The following VPS13B variants were observed in gnomAD, a reference collection of about 807,000 sequenced individuals.
VPS13B encodes vacuolar protein sorting 13 homolog B, also known as intermembrane lipid transfer protein VPS13B.
VPS13B carries 285 observed loss-of-function variants against 426.4 expected under a neutral mutation model. The observed-to-expected ratio is 0.67, with a 90% confidence interval of 0.61 to 0.74. VPS13B has a LOEUF of 0.74. Among genes scored for constraint, VPS13B ranks in the 30% least tolerant of loss-of-function variants. The pLI is 0.00. For synonymous variants in VPS13B, 1,676 were observed against 1,676.4 expected, an observed-to-expected ratio of 1.00 and a Z score of 0.01; for missense variants, 4,537 against 4,782.6, an observed-to-expected ratio of 0.95 and a Z score of 1.51.
chr8:99,610,679 A>T (rs1284699971), intron 33 of VPS13B, among the ~76,000 whole-genome samples: 1 of 152,170 alleles, frequency 6.6e-6, no homozygotes, highest in Non-Finnish European at 1.5e-5. Context: ...TGTCACATGT[A>T]TACCTATATA....
chr8:99,492,871 C>T (rs1820689296), intron 25 of VPS13B, among the ~76,000 whole-genome samples: 1 of 152,196 alleles, frequency 6.6e-6, no homozygotes, highest in African/African-American at 2.4e-5. Flanking sequence ...CCATGGGCTG[C>T]ACCCACTCTC....
intron 17 of VPS13B, among the ~76,000 whole-genome samples, chr8:99,238,123 G>A (rs1816736726): frequency 6.6e-6 from 1 of 151,858 alleles, no homozygotes; most frequent in African/African-American, 2.4e-5. Flanking sequence ...CTTTATCCTT[G>A]AGTATACTAT....
At chr8:99,281,287 G>A (rs1819155849) in intron 19 of VPS13B, among the ~76,000 whole-genome samples, 1 of 152,192 alleles carries the variant, frequency 6.6e-6, no homozygotes, top group African/African-American at 2.4e-5. Context: ...GTTCCTAACA[G>A]GCCACGGACT....
chr8:99,665,768 G>A (rs1830461314), intron 35 of VPS13B, among the ~76,000 whole-genome samples: 1 of 152,230 alleles, frequency 6.6e-6, no homozygotes, highest in Admixed American at 6.5e-5. Context: ...CTCCAGCTTC[G>A]TTCTTTTGGC....
Position 99,632,529 on chromosome 8 carries a change from A to C in VPS13B, c.5221-9282A>C, listed in dbSNP as rs571772820. 3.3e-5 allele frequency among the ~76,000 whole-genome samples: 5 copies of C among 152,052 alleles called. No homozygotes were observed. In the South Asian group the frequency reaches 1.0e-3, roughly 32 times the overall value. On this transcript the variant is annotated intron_variant, in intron 33 of 61. Transcript: ENST00000357162. ...AGATATTGTTAGGAATTTTTACCTG[A>C]TTTAGAGAATACTTTGAATTTCCAA...
At chr8:99,556,709 T>A (rs919522463) in intron 31 of VPS13B, 56 bp downstream of exon 31, 1 of 1,573,976 alleles carries the variant, frequency 6.4e-7, no homozygotes, top group Non-Finnish European at 8.7e-7. Context: ...GCCAGAATAG[T>A]TGGTGATACA....
At chr8:99,173,735 A>G (rs1371539787) in intron 16 of VPS13B, among the ~76,000 whole-genome samples, 1 of 152,116 alleles carries the variant, frequency 6.6e-6, no homozygotes, top group Non-Finnish European at 1.5e-5. Context: ...GAATGTTTTG[A>G]ACAAAAAAGA....
chr8:99,267,504 A>G (rs1193529593), intron 17 of VPS13B, among the ~76,000 whole-genome samples: 6 of 152,074 alleles, frequency 3.9e-5, no homozygotes, highest in Non-Finnish European at 7.4e-5. Flanking sequence ...CTGAGGTGGG[A>G]AGATCAAAAG....
At position 99,575,660 on chromosome 8, in the gene VPS13B, T is replaced by C. The variant is rs762227941; in HGVS notation, c.4952T>C (p.Ile1651Thr). The stretch of plus-strand genomic sequence containing the variant: ...TAATCTTTTACTCTATCTTTTAGCA[T>C]ACGGCGGCATCAAGAAAGGAGAGCA... ...PALEWNMASSIRRHQERRAIL... is the reference protein window; with the variant it reads ...PALEWNMASSTRRHQERRAIL... Residue 1651 changes from isoleucine to threonine, a missense_variant and splice_region_variant, in exon 32 of 62, where the codon ATA becomes ACA. Physicochemically the swap from Ile to Thr is moderately conservative, Grantham distance 89. This residue lies in a region of VPS13B where 4,311 missense variants were observed against 4,474.3 expected (regional missense o/e 0.96). Transcript: ENST00000357162. The C allele has an allele frequency of 1.2e-5, 19 of 1,613,826 alleles. No homozygotes were observed. The highest frequency in any genetic ancestry group is 1.7e-5 in the Admixed American group (1 of 59,950).
At chr8:99,394,392 C>T (rs1027426294) in intron 21 of VPS13B, among the ~76,000 whole-genome samples, 1 of 152,112 alleles carries the variant, frequency 6.6e-6, no homozygotes, top group Non-Finnish European at 1.5e-5. Context: ...TTTCCTCTTC[C>T]AAACTCAGCC....
chr8:99,468,469 A>T (rs1819229821), intron 24 of VPS13B, among the ~76,000 whole-genome samples: 1 of 151,790 alleles, frequency 6.6e-6, no homozygotes, highest in African/African-American at 2.4e-5. Flanking sequence ...TATTAAAAAA[A>T]ATTTAAATAT....
At chr8:99,344,036 AT>A (rs1290564108) in intron 19 of VPS13B, among the ~76,000 whole-genome samples, 1 of 152,228 alleles carries the variant, frequency 6.6e-6, no homozygotes, top group Non-Finnish European at 1.5e-5. Context: ...CAAAATGACG[AT>A]ATCCAACTCT....
intron 15 of VPS13B, among the ~76,000 whole-genome samples, chr8:99,159,848 G>C (rs1043542942): frequency 6.6e-6 from 1 of 152,036 alleles, no homozygotes; most frequent in East Asian, 1.9e-4. Flanking sequence ...TTGGTAAGAT[G>C]GGGTTTTGCC....
intron 17 of VPS13B, among the ~76,000 whole-genome samples, chr8:99,239,296 A>G (rs1168929237): frequency 6.6e-6 from 1 of 152,302 alleles, no homozygotes; most frequent in Non-Finnish European, 1.5e-5. Flanking sequence ...TCTTAAGTAC[A>G]TTGAATTAAG....
At chr8:99,866,795 A>T (rs999965396) in intron 58 of VPS13B, among the ~76,000 whole-genome samples, 9 of 152,174 alleles carry the variant, frequency 5.9e-5, no homozygotes, top group African/African-American at 2.2e-4. Context: ...GGCCACTATG[A>T]CTTCTGATCT....
chr8:99,310,305 T>C (rs1250829239), intron 19 of VPS13B, among the ~76,000 whole-genome samples: 1 of 152,230 alleles, frequency 6.6e-6, no homozygotes, highest in East Asian at 1.9e-4. Flanking sequence ...TTCAGTATGA[T>C]ATTGGCTGTG....
At chr8:99,456,075 C>T (rs953462566) in intron 23 of VPS13B, among the ~76,000 whole-genome samples, 4 of 152,054 alleles carry the variant, frequency 2.6e-5, no homozygotes, top group African/African-American at 7.2e-5. Context: ...TTCTTGTGAT[C>T]GATTTGTTAG....
In VPS13B at chr8:99,809,528, C is replaced by T; in HGVS notation, c.8095C>T (p.Gln2699Ter). The T allele has an allele frequency of 1.2e-6, 2 of 1,613,980 alleles. No individual in the cohort carries two copies. The highest frequency in any genetic ancestry group is 1.7e-6 in the Non-Finnish European group (2 of 1,179,932). The change falls in exon 44 of 62, where the codon CAG (glutamine) becomes TAG (stop). Residue 2699 changes from glutamine (Q) to a stop codon, truncating the protein, a stop_gained and splice_region_variant. Transcript: ENST00000357162. LOFTEE classifies it high-confidence loss of function. ...TCAGCAACTCAATGGAGTACAAAAA[C>T]AGGTAAGTTTCTTTGTGTTCATGAC... ...KVQQLNGVQK[Q>*]IIICGRQIIC...
intron 35 of VPS13B, among the ~76,000 whole-genome samples, chr8:99,684,170 G>A (rs1321082996): frequency 6.6e-6 from 1 of 152,126 alleles, no homozygotes; most frequent in African/African-American, 2.4e-5. Context: ...TTTAGTTGTG[G>A]TACATCATTA....
Sources: allele counts gnomAD v4.1 joint callset (sites outside exome capture counted in the v4.1 genomes callset), GRCh38; gene constraint gnomAD v4.1.1; regional missense constraint gnomAD v4.1.1; transcripts MANE v1.5; gene names NCBI Gene and HGNC (gene_info 2026-07-23, HGNC 2026-07-21).